The following EPHA6 variants were observed in gnomAD, a reference collection of about 807,000 sequenced individuals.
The protein encoded by EPHA6 is EPH receptor A6, also known as ephrin type-A receptor 6.
Under a neutral mutation model 112.0 loss-of-function variants are expected in EPHA6, and 50 were observed. The ratio of observed to expected loss-of-function variants is 0.45; its 90% CI spans 0.36 to 0.56. The LOEUF is 0.56. EPHA6 is among the 20% of genes least tolerant of loss of function. The pLI is 0.00. For synonymous variants in EPHA6, 529 were observed against 490.7 expected (o/e 1.08, Z -1.03); for missense variants, 1,280 against 1,417.4 (o/e 0.90, Z 1.56).
chr3:97,125,079 T>A (rs1044266702), intron 3 of EPHA6, among the ~76,000 whole-genome samples: 2 of 152,132 alleles, frequency 1.3e-5, no homozygotes, highest in African/African-American at 4.8e-5. Flanking sequence ...ATGCAGGATA[T>A]CATAAAGGAC....
chr3:97,506,331 C>T (rs375762044), intron 10 of EPHA6, among the ~76,000 whole-genome samples: 3 of 152,140 alleles, frequency 2.0e-5, no homozygotes, highest in African/African-American at 7.2e-5. Flanking sequence ...ACATTTAAGT[C>T]TTTAGTCCAT....
intron 3 of EPHA6, among the ~76,000 whole-genome samples, chr3:97,192,386 G>T (rs2077330726): frequency 6.6e-6 from 1 of 152,076 alleles, no homozygotes; most frequent in African/African-American, 2.4e-5. Context: ...ACTTGCCTCG[G>T]CCTGCAAAGT....
At chr3:96,834,546 G>A (rs530450959) in intron 1 of EPHA6, among the ~76,000 whole-genome samples, 67 of 152,062 alleles carry the variant, frequency 4.4e-4, no homozygotes, top group Admixed American at 1.6e-3. Flanking sequence ...ATAAAAGCCT[G>A]GAAGCCCTGT....
intron 5 of EPHA6, among the ~76,000 whole-genome samples, chr3:97,329,545 A>C (rs1296873887): frequency 2.0e-5 from 3 of 150,840 alleles, no homozygotes; most frequent in Non-Finnish European, 4.4e-5. Flanking sequence ...TGTGGTTTTG[A>C]TTTGCATTTC....
intron 5 of EPHA6, among the ~76,000 whole-genome samples, chr3:97,297,550 G>T (rs534525707): frequency 6.6e-6 from 1 of 152,106 alleles, no homozygotes; most frequent in African/African-American, 2.4e-5. Flanking sequence ...ACAACAATCC[G>T]TGTAGTATTA....
At chr3:97,588,671 A>G (rs1259182441) in intron 11 of EPHA6, among the ~76,000 whole-genome samples, 1 of 152,232 alleles carries the variant, frequency 6.6e-6, no homozygotes, top group Non-Finnish European at 1.5e-5. Context: ...CTGCTAAATA[A>G]TAGCAATGGT....
At chr3:96,907,270 T>G (rs1471971363) in intron 2 of EPHA6, among the ~76,000 whole-genome samples, 1 of 151,894 alleles carries the variant, frequency 6.6e-6, no homozygotes, top group Non-Finnish European at 1.5e-5. Context: ...TCTTATTTAT[T>G]TATTAATATT....
chr3:96,881,707 A>G (rs544180985), intron 2 of EPHA6, among the ~76,000 whole-genome samples: 1 of 152,330 alleles, frequency 6.6e-6, no homozygotes, highest in East Asian at 1.9e-4. Flanking sequence ...GCAGAGTCCA[A>G]AGTCTCATCC....
chr3:97,566,351 G>C (rs1013837594), intron 11 of EPHA6, among the ~76,000 whole-genome samples: 1 of 152,168 alleles, frequency 6.6e-6, no homozygotes, highest in African/African-American at 2.4e-5. Flanking sequence ...ATTTTGGCAT[G>C]AGATTTGGAG....
rs1025483681 is a variant in EPHA6, at chr3:97,019,167, T to C, written c.1114+31174T>C. 9.3e-4 allele frequency among the ~76,000 whole-genome samples: 141 copies of C among 152,320 alleles called. 1 individual carries two copies. The highest frequency in any genetic ancestry group is 3.4e-3 in the Middle Eastern group (1 of 294). ...CTATATCTGATATAACTATTCTTAT[T>C]TTATATTTTATTATACTGGAACAGC... On this transcript the variant is annotated intron_variant, in intron 3 of 17. Coordinates refer to ENST00000389672, the MANE Select transcript of EPHA6 (RefSeq NM_001080448.3).
chr3:97,676,216 G>C (rs1263833443), intron 14 of EPHA6, among the ~76,000 whole-genome samples: 1 of 151,978 alleles, frequency 6.6e-6, no homozygotes, highest in Non-Finnish European at 1.5e-5. Context: ...AGTAGTGCTG[G>C]GGCACACCAA....
chr3:97,136,021 A>G (rs1300020343), intron 3 of EPHA6, among the ~76,000 whole-genome samples: 1 of 152,198 alleles, frequency 6.6e-6, no homozygotes, highest in African/African-American at 2.4e-5. Flanking sequence ...TCTAAACCTG[A>G]AAGTTCTACA....
At chr3:97,116,954 T>G (rs1222886025) in intron 3 of EPHA6, among the ~76,000 whole-genome samples, 1 of 151,748 alleles carries the variant, frequency 6.6e-6, no homozygotes, top group Non-Finnish European at 1.5e-5. Flanking sequence ...TCTACCAAAG[T>G]GTTCAACAGT....
At chr3:97,694,189 G>C (rs2032861955) in intron 14 of EPHA6, among the ~76,000 whole-genome samples, 2 of 151,714 alleles carry the variant, frequency 1.3e-5, no homozygotes, top group Admixed American at 1.3e-4. Context: ...TATTATTTCT[G>C]GGCCACAGTT....
At chr3:97,464,973 A>G (rs13317326) in intron 7 of EPHA6, among the ~76,000 whole-genome samples, 2,864 of 152,226 alleles carry the variant, frequency 0.019, 102 homozygotes, top group African/African-American at 0.066. Context: ...CTAGTTGTTG[A>G]AAATTACACC....
intron 5 of EPHA6, among the ~76,000 whole-genome samples, chr3:97,250,726 CTTT>C (rs1260782156): frequency 1.3e-5 from 2 of 151,994 alleles, no homozygotes; most frequent in African/African-American, 4.8e-5. Flanking sequence ...CAATATAGTT[CTTT>C]GTTTGAAAAT....
chr3:97,367,048 G>T (rs571054859), intron 5 of EPHA6, among the ~76,000 whole-genome samples: 1 of 152,258 alleles, frequency 6.6e-6, no homozygotes, highest in East Asian at 1.9e-4. Context: ...TTAGGAACTT[G>T]TTCAAAGATA....
intron 3 of EPHA6, among the ~76,000 whole-genome samples, chr3:97,093,486 T>A (rs1446024070): frequency 6.6e-6 from 1 of 151,592 alleles, no homozygotes; most frequent in Non-Finnish European, 1.5e-5. Context: ...GGAGGCAGAG[T>A]TTGCAGTGGG....
intron 2 of EPHA6, among the ~76,000 whole-genome samples, chr3:96,938,047 C>A (rs2040703066): frequency 6.6e-6 from 1 of 152,004 alleles, no homozygotes; most frequent in South Asian, 2.1e-4. Context: ...AGTGTGATGC[C>A]TCCAGCTTTG....
Sources: allele counts gnomAD v4.1 joint callset (sites outside exome capture counted in the v4.1 genomes callset), GRCh38; gene constraint gnomAD v4.1.1; transcripts MANE v1.5; gene names NCBI Gene and HGNC (gene_info 2026-07-23, HGNC 2026-07-21).